DSCAM: variants seen among roughly 807,000 people sequenced by gnomAD.
DSCAM encodes DS cell adhesion molecule, also known as cell adhesion molecule DSCAM.
Under a neutral mutation model 217.7 loss-of-function variants are expected in DSCAM, and 47 were observed. That is an observed-to-expected ratio of 0.22 (90% confidence interval 0.17 to 0.28). DSCAM has a LOEUF of 0.28. Among genes scored for constraint, DSCAM ranks in the 10% least tolerant of loss-of-function variants. The pLI is 1.00. For missense variants in DSCAM, 2,080 were observed against 2,618.3 expected, an observed-to-expected ratio of 0.79 and a Z score of 4.49; for synonymous variants, 1,056 against 1,015.3, an observed-to-expected ratio of 1.04 and a Z score of -0.76.
At chr21:40,028,486 C>G (rs2088437223) in intron 32 of DSCAM, among the ~76,000 whole-genome samples, 2 of 151,872 alleles carry the variant, frequency 1.3e-5, no homozygotes, top group East Asian at 3.9e-4. Context: ...GACTGCTCTG[C>G]TAGCAATCAG....
chr21:40,218,348 C>T (rs1260911462), intron 11 of DSCAM, among the ~76,000 whole-genome samples: 3 of 152,104 alleles, frequency 2.0e-5, no homozygotes, highest in Non-Finnish European at 4.4e-5. Context: ...TTCCATTGGA[C>T]GATGAGCCTG....
chr21:40,348,476 C>G (rs1008782650), intron 5 of DSCAM, among the ~76,000 whole-genome samples: 2 of 151,756 alleles, frequency 1.3e-5, no homozygotes, highest in Non-Finnish European at 2.9e-5. Flanking sequence ...TTATTGCAAT[C>G]ATACCCACAC....
intron 3 of DSCAM, among the ~76,000 whole-genome samples, chr21:40,522,966 G>A (rs779075182): frequency 3.3e-5 from 5 of 152,128 alleles, no homozygotes; most frequent in East Asian, 1.9e-4. Flanking sequence ...TTCATGTTTC[G>A]CTTACACATA....
At chr21:40,560,856 G>C (rs2076715060) in intron 3 of DSCAM, among the ~76,000 whole-genome samples, 1 of 152,206 alleles carries the variant, frequency 6.6e-6, no homozygotes, top group Non-Finnish European at 1.5e-5. Context: ...GATCTAGTTT[G>C]AAATCTGAAG....
In DSCAM at chr21:40,224,671, A is replaced by C. The variant is rs568824805; in HGVS notation, c.2357-35433T>G. Reference sequence around the variant, plus strand: ...AAATCAACAATTGGCAATAAATGACATCTTAAATCTGCATTTGAAGATTTT... The same window carrying C: ...AAATCAACAATTGGCAATAAATGACCTCTTAAATCTGCATTTGAAGATTTT... On this transcript the variant is annotated intron_variant, in intron 11 of 32. Coordinates refer to ENST00000400454, the MANE Select transcript of DSCAM (RefSeq NM_001389.5). 1.8e-4 allele frequency among the ~76,000 whole-genome samples: 28 copies of C among 152,354 alleles called. No individual in the cohort carries two copies. The South Asian group carries it at 5.8e-3, about 32-fold the overall frequency.
chr21:40,742,067 T>C (rs2091129386), intron 1 of DSCAM, among the ~76,000 whole-genome samples: 1 of 152,164 alleles, frequency 6.6e-6, no homozygotes. Flanking sequence ...ACCCTTCGTA[T>C]CTTTATGTAC....
At chr21:40,687,043 C>T (rs1278534783) in intron 3 of DSCAM, among the ~76,000 whole-genome samples, 4 of 152,090 alleles carry the variant, frequency 2.6e-5, no homozygotes, top group African/African-American at 7.2e-5. Context: ...GTCTGATGTG[C>T]ACGTTCTGAG....
At chr21:40,338,429 A>G (rs994964033) in intron 7 of DSCAM, 53 bp from the exon 8 acceptor site, 7 of 1,552,114 alleles carry the variant, frequency 4.5e-6, no homozygotes. Flanking sequence ...CATCTCATGT[A>G]GGGAAATGGG....
intron 30 of DSCAM, among the ~76,000 whole-genome samples, chr21:40,044,615 CAGG>C (rs1436058644): frequency 2.6e-5 from 4 of 152,082 alleles, no homozygotes; most frequent in Admixed American, 2.6e-4. Flanking sequence ...ACAACAATTA[CAGG>C]ACAAAACAAG....
chr21:40,230,979 C>T lies in DSCAM; in HGVS notation c.2357-41741G>A, dbSNP rs146415348. Among the ~76,000 whole-genome samples the T allele has an allele frequency of 7.7e-3, 1,164 of 151,498 alleles. 7 individuals are homozygous for T. Among genetic ancestry groups the T allele is most frequent in the Middle Eastern group, 0.021 (6 of 292 alleles). ...TTCTCTGGCTGCAGCATGCCCAATC[C>T]ATTTCTCTGAAGCCTTGACTCTCGA... On this transcript the variant is annotated intron_variant, in intron 11 of 32. Transcript: ENST00000400454.
chr21:40,775,344 G>A (rs1328531001), intron 1 of DSCAM, among the ~76,000 whole-genome samples: 1 of 152,106 alleles, frequency 6.6e-6, no homozygotes, highest in Admixed American at 6.6e-5. Context: ...GTGTTAACTT[G>A]ATTAAGAACT....
intron 19 of DSCAM, 74 bp downstream of exon 19, chr21:40,133,780 G>GTCTT (rs2090178696): frequency 6.6e-7 from 1 of 1,507,560 alleles, no homozygotes; most frequent in Non-Finnish European, 8.9e-7. Context: ...GAACTGCAGG[G>GTCTT]TAAAGGCAAG....
intron 1 of DSCAM, among the ~76,000 whole-genome samples, chr21:40,723,852 T>C (rs564583107): frequency 4.5e-4 from 69 of 152,324 alleles, no homozygotes; most frequent in African/African-American, 1.6e-3. Context: ...GTAAGAATGT[T>C]CTTTTTATCC....
intron 3 of DSCAM, among the ~76,000 whole-genome samples, chr21:40,416,844 A>C (rs1447375651): frequency 6.6e-6 from 1 of 152,232 alleles, no homozygotes; most frequent in Non-Finnish European, 1.5e-5. Flanking sequence ...AGATAAAAAC[A>C]GAAATGTAAA....
intron 6 of DSCAM, among the ~76,000 whole-genome samples, chr21:40,347,071 C>G (rs554245423): frequency 1.4e-3 from 216 of 152,150 alleles, no homozygotes; most frequent in Middle Eastern, 6.8e-3. Flanking sequence ...GGGGCCGAGG[C>G]GGGCAGATCA....
chr21:40,568,661 A>G (rs1366797123), intron 3 of DSCAM, among the ~76,000 whole-genome samples: 1 of 152,240 alleles, frequency 6.6e-6, no homozygotes, highest in East Asian at 1.9e-4. Flanking sequence ...TCACATAGTA[A>G]AAGTTTTAGT....
chr21:40,296,811 A>G (rs2073959260), intron 9 of DSCAM, among the ~76,000 whole-genome samples: 1 of 147,956 alleles, frequency 6.8e-6, no homozygotes. Flanking sequence ...AGCCTGGGCA[A>G]CAAGAGTCAA....
At chr21:40,628,742 TATCTATC>T (rs148046792) in intron 3 of DSCAM, among the ~76,000 whole-genome samples, 3,925 of 99,802 alleles carry the variant, frequency 0.039, 108 homozygotes, top group African/African-American at 0.09. Context: ...TCTATCTATC[TATCTATC>T]TTTTCTTGTG....
At chr21:40,578,093 G>A (rs1297136234) in intron 3 of DSCAM, among the ~76,000 whole-genome samples, 1 of 152,140 alleles carries the variant, frequency 6.6e-6, no homozygotes, top group South Asian at 2.1e-4. Flanking sequence ...CCAGGTATTT[G>A]CAAGGATTGG....
Sources: allele counts gnomAD v4.1 joint callset (sites outside exome capture counted in the v4.1 genomes callset), GRCh38; gene constraint gnomAD v4.1.1; transcripts MANE v1.5; gene names NCBI Gene and HGNC (gene_info 2026-07-23, HGNC 2026-07-21).